FBF1: variants seen among roughly 807,000 people sequenced by gnomAD.
The protein encoded by FBF1 is fas-binding factor 1.
In FBF1, 119 loss-of-function variants were observed where a neutral mutation model predicts 147.2. The observed-to-expected ratio is 0.81, with a 90% CI of 0.70 to 0.94. The LOEUF is 0.94. Ranked by LOEUF, FBF1 falls within the 40% of genes least tolerant of loss-of-function variation. FBF1 has a pLI of 0.00. For synonymous variants in FBF1, 601 were observed against 609.0 expected, an observed-to-expected ratio of 0.99 and a Z score of 0.19; for missense variants, 1,449 against 1,500.8, an observed-to-expected ratio of 0.97 and a Z score of 0.57.
rs1157090238 is a variant in FBF1, at chr17:75,920,298, G to T, written c.1806C>A (p.Ala602=). ...ELQAELLHSQ[A]RLAELEAQVR... The stretch of plus-strand genomic sequence containing the variant: ...CCTGGGCCTCCAGCTCTGCCAGCCG[G>T]GCCTGGCTATGCAGCAGCTCGGCCT... Residue 602 remains alanine, a synonymous_variant, in exon 18 of 30, where the codon GCC becomes GCA. Transcript: ENST00000636174. 1 of 1,611,006 alleles carries T rather than the reference G, an allele frequency of 6.2e-7. No homozygotes were observed. Among genetic ancestry groups the T allele is most frequent in the African/African-American group, 1.3e-5 (1 of 74,890 alleles).
chr17:75,929,998 T>A lies in FBF1; in HGVS notation c.278A>T (p.Lys93Met). 2.3e-6 allele frequency: 3 copies of A among 1,279,906 alleles called. No homozygotes were observed. 79.3% of individuals were successfully genotyped at this position (1,279,906 alleles called of 1,614,324 possible). The change falls in exon 7 of 30, where the codon AAG (lysine) becomes ATG (methionine). Residue 93 changes from lysine to methionine, a missense_variant and splice_region_variant. Lys to Met is a moderately conservative substitution (Grantham distance 95, BLOSUM62 -1). Transcript: ENST00000636174. ...ADPQALLQAM[K>M]DLDGMDADIL... is the part of the protein sequence containing the mutation. ...GAATCGTGCAAGCTGTTTCCTTACC[T>A]TCATGGCCTGGAGCAGAGCCTGTGG...
chr17:75,914,100 C>T (rs1377165670), intron 26 of FBF1, 22 bp downstream of exon 26: 5 of 1,595,624 alleles, frequency 3.1e-6, no homozygotes, highest in Admixed American at 1.7e-5. Flanking sequence ...GATGCGCCCA[C>T]GCCCATGTGC....
Position 75,927,454 on chromosome 17 carries a change from C to A in FBF1, c.475+1G>T, listed in dbSNP as rs1470483251. The A allele has an allele frequency of 2.5e-6, 4 of 1,586,366 alleles. No homozygotes were observed. In the African/African-American group the frequency reaches 5.4e-5, roughly 21 times the overall value. The stretch of plus-strand genomic sequence containing the variant: ...AGAGGCATGACAGGAGCCTATGGTA[C>A]CTTCAGAGGAAAACCTCCTGTTCTG... On this transcript the variant is annotated splice_donor_variant, in intron 9 of 29. Coordinates refer to ENST00000636174, the MANE Select transcript of FBF1 (RefSeq NM_001319193.2). LOFTEE classifies it high-confidence loss of function.
In FBF1 at chr17:75,923,746, C is replaced by A; in HGVS notation, c.969-105G>T. The A allele has an allele frequency of 8.6e-7, 1 of 1,164,262 alleles. No individual in the cohort carries two copies. The highest frequency in any genetic ancestry group is 1.2e-6 in the Non-Finnish European group (1 of 844,628). The allele number at this position is 1,164,262 out of a possible 1,614,324, so 72.1% of individuals were successfully genotyped here. A position where few individuals can be genotyped will look rare whatever the true frequency, so the allele number is the denominator to read the frequency against. ...ACGATGCCCAGGGACCCTGCACAGT[C>A]AGCTGAGGCCCAGTGAGCAGTGGCT... On this transcript the variant is annotated intron_variant, in intron 13 of 29. Transcript: ENST00000636174. This position sits in a 1 kb window ranked among gnomAD's most constrained non-coding sequence, Gnocchi z 4.1.
intron 1 of FBF1, among the ~76,000 whole-genome samples, chr17:75,939,295 C>CAAAA (rs56272719): frequency 3.6e-5 from 3 of 82,988 alleles, no homozygotes; most frequent in Non-Finnish European, 7.5e-5. Context: ...ACTCTGTCTC[C>CAAAA]AAAAAAAAAA....
chr17:75,923,058 C>T lies in FBF1; in HGVS notation c.1424+128G>A. ...GAGTAGCAAAGCCAAGAAGCGGCCT[C>T]TGTGGCCACGGCGCCCTGCCTTGTT... On this transcript the variant is annotated intron_variant, in intron 14 of 29. Coordinates refer to ENST00000636174, the MANE Select transcript of FBF1 (RefSeq NM_001319193.2). This position sits in a 1 kb window ranked among gnomAD's most constrained non-coding sequence, Gnocchi z 4.1. 1 of 943,530 alleles carries T rather than the reference C, an allele frequency of 1.1e-6. No homozygotes were observed. Among genetic ancestry groups the T allele is most frequent in the Non-Finnish European group, 1.6e-6 (1 of 638,234 alleles). 58.4% of individuals were successfully genotyped at this position (943,530 alleles called of 1,614,324 possible).
rs1194425217 is a variant in FBF1 at position 75,919,863 on chromosome 17, T to C, written c.1943A>G (p.Lys648Arg). ...LIESAHRSRI[K>R]VLETSYQQRE... ...TTGCTGGTACGATGTTTCTAGCACC[T>C]TGATGCGGCTTCTGCCAACAGAACA... Residue 648 changes from lysine (K) to arginine (R), a missense_variant, in exon 20 of 30, where the codon AAG becomes AGG. Coordinates refer to ENST00000636174, the MANE Select transcript of FBF1 (RefSeq NM_001319193.2). This position sits in a 1 kb window ranked among gnomAD's most constrained non-coding sequence, Gnocchi z 5.0. 2 of 1,613,784 alleles carry C rather than the reference T, an allele frequency of 1.2e-6. No individual in the cohort carries two copies. Among genetic ancestry groups the C allele is most frequent in the Admixed American group, 1.7e-5 (1 of 60,030 alleles).
chr17:75,926,641 C>A, intron 10 of FBF1, 117 bp downstream of exon 10: 1 of 1,460,468 alleles, frequency 6.8e-7, no homozygotes, highest in Non-Finnish European at 9.2e-7. Context: ...TTGTACTGGA[C>A]CTTAGACCTC....
Position 75,918,187 on chromosome 17 carries a change from C to T in FBF1, c.2221G>A (p.Ala741Thr), listed in dbSNP as rs765230610. The change falls in exon 21 of 30, where the codon GCC becomes ACC. Residue 741 changes from alanine to threonine, a missense_variant. Ala to Thr is a moderately conservative substitution (Grantham distance 58). Transcript: ENST00000636174. This position sits in a 1 kb window ranked among gnomAD's most constrained non-coding sequence, Gnocchi z 5.8. ...KLLKDREVDA[A>T]TSATSHTRSL... is the part of the protein sequence containing the mutation. Reference sequence around the variant, plus strand: ...CGCGTGTGGGAGGTGGCACTGGTGGCCGCATCGACCTCTCGGTCCTTCAGC... The same window carrying T: ...CGCGTGTGGGAGGTGGCACTGGTGGTCGCATCGACCTCTCGGTCCTTCAGC... 6.2e-7 allele frequency: 1 copy of T among 1,613,302 alleles called. No individual in the cohort carries two copies. Among genetic ancestry groups the T allele is most frequent in the South Asian group, 1.1e-5 (1 of 91,052 alleles).
In FBF1 at chr17:75,910,817, G is replaced by C; in HGVS notation, c.3364-11C>G. 5 of 1,601,822 alleles carry C rather than the reference G, an allele frequency of 3.1e-6. No individual in the cohort carries two copies. Among genetic ancestry groups the C allele is most frequent in the Non-Finnish European group, 4.3e-6 (5 of 1,174,122 alleles). ...CAAGAAGTCACGGTCCTGCAAGGCA[G>C]GTTTGGATGGGCGGTCACCTTCCCT... On this transcript the variant is annotated splice_polypyrimidine_tract_variant and intron_variant, in intron 29 of 29. Coordinates refer to ENST00000636174, the MANE Select transcript of FBF1 (RefSeq NM_001319193.2). The surrounding 1 kb of genome is among the most constrained non-coding windows in gnomAD (Gnocchi z 4.1).
In FBF1 at chr17:75,923,739, G is replaced by A. The variant is rs903629997; in HGVS notation, c.969-98C>T. On this transcript the variant is annotated intron_variant, in intron 13 of 29. Coordinates refer to ENST00000636174, the MANE Select transcript of FBF1 (RefSeq NM_001319193.2). This position sits in a 1 kb window ranked among gnomAD's most constrained non-coding sequence, Gnocchi z 4.1. Reference sequence around the variant, plus strand: ...GGGCGTCACGATGCCCAGGGACCCTGCACAGTCAGCTGAGGCCCAGTGAGC... The same window carrying A: ...GGGCGTCACGATGCCCAGGGACCCTACACAGTCAGCTGAGGCCCAGTGAGC... The A allele has an allele frequency of 2.4e-6, 3 of 1,234,854 alleles. No homozygotes were observed. The highest frequency in any genetic ancestry group is 3.3e-6 in the Non-Finnish European group (3 of 905,842). The allele number at this position is 1,234,854 out of a possible 1,614,324, so 76.5% of individuals were successfully genotyped here.
At position 75,931,283 on chromosome 17, in the gene FBF1, G is replaced by A; in HGVS notation, c.174C>T (p.Leu58=). ...FPSSKARTKS[L]LGDDVFSTMA... ...TGGTGCTGAAGACATCATCACCCAGGAGGGACCTGCAAAGGGGAGGCGTCA... is the reference window on the plus strand; with the variant it reads ...TGGTGCTGAAGACATCATCACCCAGAAGGGACCTGCAAAGGGGAGGCGTCA... The change falls in exon 6 of 30, where the codon CTC becomes CTT. Residue 58 remains leucine (L), a synonymous_variant. Transcript: ENST00000636174. 6.3e-7 allele frequency: 1 copy of A among 1,583,136 alleles called. No homozygotes were observed. The highest frequency in any genetic ancestry group is 8.6e-7 in the Non-Finnish European group (1 of 1,164,848).
chr17:75,921,987 G>A lies in FBF1; in HGVS notation c.1484C>T (p.Thr495Ile). Residue 495 changes from threonine (T) to isoleucine (I), a missense_variant, in exon 15 of 30, where the codon ACA becomes ATA. By Grantham distance (89) the Thr-to-Ile change is moderately conservative. Coordinates refer to ENST00000636174, the MANE Select transcript of FBF1 (RefSeq NM_001319193.2). ...GACACACGGTCTTTCTCGTGCAGTT[G>A]TTCCAGAACTCCCTCCAGCAGCTGC... ...EHAAAGGSSG[T>I]TARERPCVRP... 6.4e-7 allele frequency: 1 copy of A among 1,551,710 alleles called. No individual in the cohort carries two copies. Among genetic ancestry groups the A allele is most frequent in the South Asian group, 1.2e-5 (1 of 84,050 alleles).
chr17:75,914,291 G>C lies in FBF1; in HGVS notation c.2822C>G (p.Ala941Gly). Reference sequence around the variant, plus strand: ...CTCGCTGGCCCTGATCTTCAGCTCAGCCTGCTCCTGGAGACAGCGGAGGCC... The same window carrying C: ...CTCGCTGGCCCTGATCTTCAGCTCACCCTGCTCCTGGAGACAGCGGAGGCC... ...GTLISLAKEQ[A>G]ELKIRASELR... Residue 941 changes from alanine (A) to glycine (G), a missense_variant, in exon 26 of 30, where the codon GCT (alanine) becomes GGT (glycine). Coordinates refer to ENST00000636174, the MANE Select transcript of FBF1 (RefSeq NM_001319193.2). 1 of 1,590,646 alleles carries C rather than the reference G, an allele frequency of 6.3e-7. No individual in the cohort carries two copies. The highest frequency in any genetic ancestry group is 1.1e-5 in the South Asian group (1 of 88,004).
At chr17:75,940,673 G>C (rs1310896817) in intron 1 of FBF1, 175 bp downstream of exon 1, 1 of 153,856 alleles carries the variant, frequency 6.5e-6, no homozygotes, top group Non-Finnish European at 1.5e-5. Context: ...TCAGACTATG[G>C]GGATTTTCTA....
At position 75,923,703 on chromosome 17, in the gene FBF1, A is replaced by G; in HGVS notation, c.969-62T>C. Reference sequence around the variant, plus strand: ...CAGCCAGTCCCAGTGGCCCCCTAGCAGCCTGCAGCTGGGCGTCACGATGCC... The same window carrying G: ...CAGCCAGTCCCAGTGGCCCCCTAGCGGCCTGCAGCTGGGCGTCACGATGCC... On this transcript the variant is annotated intron_variant, in intron 13 of 29. Coordinates refer to ENST00000636174, the MANE Select transcript of FBF1 (RefSeq NM_001319193.2). This position sits in a 1 kb window ranked among gnomAD's most constrained non-coding sequence, Gnocchi z 4.1. 1 of 1,457,122 alleles carries G rather than the reference A, an allele frequency of 6.9e-7. No homozygotes were observed. Among genetic ancestry groups the G allele is most frequent in the Admixed American group, 2.3e-5 (1 of 44,028 alleles). The allele number at this position is 1,457,122 out of a possible 1,614,324, so 90.3% of individuals were successfully genotyped here.
In FBF1 at chr17:75,915,061, C is replaced by A. The variant is rs1400577444; in HGVS notation, c.2584G>T (p.Ala862Ser). 25 of 1,613,534 alleles carry A rather than the reference C, an allele frequency of 1.5e-5. No homozygotes were observed. The highest frequency in any genetic ancestry group is 2.1e-5 in the Non-Finnish European group (25 of 1,179,866). Reference sequence around the variant, plus strand: ...GCCCTTTCCATGGCCATCTGCTGGGCCGTGACCTTCCTTTGCTCCTCTAGG... The same window carrying A: ...GCCCTTTCCATGGCCATCTGCTGGGACGTGACCTTCCTTTGCTCCTCTAGG... Reference protein sequence around the residue: ...RALEEQRKVTAQQMAMERAEL... With the variant: ...RALEEQRKVTSQQMAMERAEL... Residue 862 changes from alanine (A) to serine (S), a missense_variant, in exon 24 of 30, where the codon GCC (alanine) becomes TCC (serine). By Grantham distance (99) the Ala-to-Ser change is moderately conservative. Transcript: ENST00000636174.
rs755176612 is a variant in FBF1 at position 75,913,771 on chromosome 17, G to A, written c.3178C>T (p.Gln1060Ter). The stretch of plus-strand genomic sequence containing the variant: ...CCCACGAGGCTAGAGGGCAGGTCCT[G>A]TCGTGCGCGGTCCAGTTGCAGCCTC... ...QQRLQLDRAR[Q>*]DLPSSLVGLF... The change falls in exon 28 of 30, where the codon CAG becomes TAG. Residue 1060 changes from glutamine to a stop codon, truncating the protein, a stop_gained. Coordinates refer to ENST00000636174, the MANE Select transcript of FBF1 (RefSeq NM_001319193.2). LOFTEE classifies it high-confidence loss of function. 1.9e-5 allele frequency: 31 copies of A among 1,605,222 alleles called. No homozygotes were observed. The highest frequency in any genetic ancestry group is 2.6e-5 in the Non-Finnish European group (31 of 1,179,406).
intron 3 of FBF1, among the ~76,000 whole-genome samples, chr17:75,936,262 C>T (rs1050977895): frequency 3.3e-5 from 5 of 151,968 alleles, no homozygotes; most frequent in Middle Eastern, 3.4e-3. Flanking sequence ...TGTAGTGAGC[C>T]GAGATCGCAC....
Sources: allele counts gnomAD v4.1 joint callset (sites outside exome capture counted in the v4.1 genomes callset), GRCh38; gene constraint gnomAD v4.1.1; non-coding constraint Gnocchi (gnomAD v3.1); transcripts MANE v1.5; gene names NCBI Gene and HGNC (gene_info 2026-07-23, HGNC 2026-07-21).